Variants in SNX29 observed in about 807,000 individuals in gnomAD.
SNX29 encodes the protein sorting nexin-29.
Under a neutral mutation model 102.1 loss-of-function variants are expected in SNX29, and 78 were observed. That is an observed-to-expected ratio of 0.76 (90% CI 0.64 to 0.92). The LOEUF (loss-of-function observed/expected upper bound fraction) is 0.92, where lower values mean the gene tolerates loss of function less well. Ranked by LOEUF, SNX29 falls within the 40% of genes least tolerant of loss-of-function variation. The probability of loss-of-function intolerance (pLI) is 0.00; values close to 1 mark genes in which losing one functional copy is unlikely to be tolerated. For synonymous variants in SNX29, 580 were observed against 414.5 expected, an observed-to-expected ratio of 1.40 and a Z score of -4.85; for missense variants, 1,280 against 1,061.7, an observed-to-expected ratio of 1.21 and a Z score of -2.86.
At chr16:12,538,466 T>G (rs2077177278) in intron 20 of SNX29, among the ~76,000 whole-genome samples, 1 of 152,242 alleles carries the variant, frequency 6.6e-6, no homozygotes, top group Non-Finnish European at 1.5e-5. Flanking sequence ...ACGTATCTCC[T>G]ATGTTGATGC....
intron 20 of SNX29, among the ~76,000 whole-genome samples, chr16:12,555,968 G>T (rs140483208): frequency 1.3e-5 from 2 of 150,166 alleles, no homozygotes; most frequent in African/African-American, 2.4e-5. Flanking sequence ...CACCATCTGC[G>T]TGGCTTTCAA....
chr16:12,211,287 A>G (rs542553384), intron 14 of SNX29, among the ~76,000 whole-genome samples: 5 of 152,334 alleles, frequency 3.3e-5, no homozygotes, highest in Non-Finnish European at 7.3e-5. Flanking sequence ...TCGAATACAT[A>G]TTCTGATACA....
intron 11 of SNX29, among the ~76,000 whole-genome samples, chr16:12,125,703 T>C (rs192487116): frequency 7.4e-4 from 100 of 134,972 alleles, no homozygotes; most frequent in Non-Finnish European, 1.2e-3. Context: ...AATGAACTCC[T>C]ACCTTGGTCT....
rs185498006 is a variant in SNX29, at chr16:12,238,566, C to A, written c.1678+38883C>A. ...CTCAAACTCCTGACCTCAAGTGATC[C>A]GCCCGCCTTGGCCTCCCAGAATGCT... is the stretch of plus-strand genomic sequence containing the variant. On this transcript the variant is annotated intron_variant, in intron 14 of 20. Coordinates refer to ENST00000566228, the MANE Select transcript of SNX29 (RefSeq NM_032167.5). Among the ~76,000 whole-genome samples the A allele has an allele frequency of 1.2e-4, 19 of 152,250 alleles. No homozygotes were observed. In the South Asian group the frequency reaches 4.0e-3, roughly 32 times the overall value.
At chr16:12,049,191 C>G (rs1382799163) in intron 7 of SNX29, among the ~76,000 whole-genome samples, 1 of 152,066 alleles carries the variant, frequency 6.6e-6, no homozygotes, top group Non-Finnish European at 1.5e-5. Context: ...TCTGGGGAAG[C>G]AAAAGAGTTG....
At chr16:12,240,197 G>A (rs1462340367) in intron 14 of SNX29, among the ~76,000 whole-genome samples, 2 of 152,178 alleles carry the variant, frequency 1.3e-5, no homozygotes, top group Non-Finnish European at 2.9e-5. Flanking sequence ...CCACATTTTA[G>A]TGTAGGATTC....
At chr16:12,253,799 G>A (rs2078490432) in intron 14 of SNX29, among the ~76,000 whole-genome samples, 1 of 152,146 alleles carries the variant, frequency 6.6e-6, no homozygotes, top group Non-Finnish European at 1.5e-5. Context: ...TCTGAGTTAG[G>A]GTTTTGGAAG....
At chr16:12,551,690 C>G (rs187685910) in intron 20 of SNX29, among the ~76,000 whole-genome samples, 3 of 152,316 alleles carry the variant, frequency 2.0e-5, no homozygotes, top group Admixed American at 2.0e-4. Flanking sequence ...AAAGTACCAC[C>G]CTCCTTTCAG....
At chr16:12,563,194 C>T (rs66692938) in intron 20 of SNX29, among the ~76,000 whole-genome samples, 39,467 of 109,344 alleles carry the variant, frequency 0.36, 5,710 homozygotes, top group African/African-American at 0.5. Flanking sequence ...TTCCCACAGT[C>T]AACATGCTGG....
chr16:12,448,301 C>T (rs981766521), intron 18 of SNX29, among the ~76,000 whole-genome samples: 1 of 152,080 alleles, frequency 6.6e-6, no homozygotes, highest in African/African-American at 2.4e-5. Context: ...AATCCCCTTC[C>T]TCAGATCCCT....
chr16:12,104,036 TG>T (rs1382591934), intron 11 of SNX29, among the ~76,000 whole-genome samples: 2 of 152,224 alleles, frequency 1.3e-5, no homozygotes, highest in African/African-American at 4.8e-5. Flanking sequence ...TTCAGTTTCC[TG>T]GAATTGGAAG....
At chr16:12,164,020 T>C (rs968604522) in intron 13 of SNX29, among the ~76,000 whole-genome samples, 29 of 152,172 alleles carry the variant, frequency 1.9e-4, no homozygotes, top group African/African-American at 7.0e-4. Context: ...GCAAAGGACC[T>C]ATGGAGTGGG....
At chr16:12,158,508 T>G (rs1475022935) in intron 13 of SNX29, among the ~76,000 whole-genome samples, 1 of 152,180 alleles carries the variant, frequency 6.6e-6, no homozygotes, top group Non-Finnish European at 1.5e-5. Flanking sequence ...CCGGTTTTAA[T>G]TGTCACAGAT....
intron 19 of SNX29, among the ~76,000 whole-genome samples, chr16:12,509,889 C>G (rs1381716284): frequency 6.6e-6 from 1 of 152,262 alleles, no homozygotes; most frequent in Non-Finnish European, 1.5e-5. Context: ...TGTCCCTGTT[C>G]TCCCTGCCAC....
At chr16:12,438,334 G>C (rs2085633018) in intron 18 of SNX29, among the ~76,000 whole-genome samples, 1 of 152,156 alleles carries the variant, frequency 6.6e-6, no homozygotes, top group Non-Finnish European at 1.5e-5. Context: ...GCTCAGCTGG[G>C]TTCAGCGCTC....
At chr16:12,484,202 G>A (rs2088113708) in intron 19 of SNX29, among the ~76,000 whole-genome samples, 1 of 152,118 alleles carries the variant, frequency 6.6e-6, no homozygotes, top group African/African-American at 2.4e-5. Flanking sequence ...AGGCTGGAGT[G>A]TAGCGGTGCG....
chr16:12,570,785 G>GA lies in SNX29; in HGVS notation c.*2156_*2157insA, dbSNP rs397779903. The GA allele has an allele frequency of 2.6e-5, 6 of 232,022 alleles. No individual in the cohort carries two copies. Among genetic ancestry groups the GA allele is most frequent in the Non-Finnish European group, 5.1e-5 (6 of 117,526 alleles). 14.4% of individuals were successfully genotyped at this position (232,022 alleles called of 1,614,324 possible). On this transcript the variant is annotated 3_prime_UTR_variant, in exon 21 of 21. Transcript: ENST00000566228. ...TTCTGCACATGATAATAATGCAACA[G>GA]TCCCCCATTGCTGAGAGATACTAAC...
At chr16:12,346,616 C>T (rs1304952006) in intron 15 of SNX29, among the ~76,000 whole-genome samples, 1 of 152,352 alleles carries the variant, frequency 6.6e-6, no homozygotes, top group Non-Finnish European at 1.5e-5. Flanking sequence ...TAAAGACCCT[C>T]ACAGCTGCAT....
chr16:12,070,663 C>T (rs1022538907), intron 10 of SNX29, among the ~76,000 whole-genome samples: 12 of 151,646 alleles, frequency 7.9e-5, no homozygotes, highest in South Asian at 6.2e-4. Context: ...TTTATAGCAG[C>T]ATGATTTATA....
Sources: gnomAD v4.1 joint callset for allele counts (sites outside exome capture counted in the v4.1 genomes callset) on GRCh38, gnomAD v4.1.1 for gene constraint, MANE v1.5 for transcripts, NCBI Gene and HGNC (gene_info 2026-07-23, HGNC 2026-07-21) for gene names.